The following TFB1M variants were observed in gnomAD, a reference collection of about 807,000 sequenced individuals.
TFB1M encodes dimethyladenosine transferase 1, mitochondrial.
A neutral mutation model predicts 31.1 loss-of-function variants in TFB1M; 27 were observed. The ratio of observed to expected loss-of-function variants is 0.87; its 90% CI spans 0.64 to 1.20. The LOEUF (loss-of-function observed/expected upper bound fraction) is 1.20. TFB1M is among the 50% of genes most tolerant of loss of function. The pLI is 0.00. For synonymous variants in TFB1M, 166 were observed against 151.8 expected (o/e 1.09, Z -0.69); for missense variants, 394 against 418.7 (o/e 0.94, Z 0.51).
Position 155,311,274 on chromosome 6 carries a change from CT to C in TFB1M, c.198del (p.Gly68GlufsTer38). ...TTAAGAATAGATCTTGTGATTCCCC[CT>C]GGCCCAGGGCCCACTTCGTAAACAT... ...NAYVYEVGPGPGGITRSILNA... is the reference protein window; with the variant it reads ...NAYVYEVGPGXGGITRSILNA... On this transcript the variant is annotated frameshift_variant, in exon 2 of 7. Transcript: ENST00000367166. LOFTEE classifies it high-confidence loss of function. The C allele has an allele frequency of 4.3e-6, 7 of 1,614,014 alleles. No individual in the cohort carries two copies. The South Asian group carries it at 5.5e-5, about 13-fold the overall frequency.
chr6:155,281,813 A>G (rs573506749), intron 5 of TFB1M, among the ~76,000 whole-genome samples: 87 of 82,656 alleles, frequency 1.1e-3, no homozygotes, highest in African/African-American at 3.1e-3. Flanking sequence ...GCCTATCACC[A>G]TAATTCATAA....
chr6:155,234,399 G>A, the TFB1M span, among the ~76,000 whole-genome samples: 1 of 152,170 alleles, frequency 6.6e-6, no homozygotes, highest in East Asian at 1.9e-4. Flanking sequence ...ATCGTTAGTG[G>A]CTGGGACCAC....
the TFB1M span, among the ~76,000 whole-genome samples, chr6:155,246,126 A>C: frequency 6.6e-6 from 1 of 151,216 alleles, no homozygotes; most frequent in Non-Finnish European, 1.5e-5. Context: ...ACAGCCTACC[A>C]CGAAACTCAC....
chr6:155,242,412 A>T, the TFB1M span, among the ~76,000 whole-genome samples: 1 of 152,168 alleles, frequency 6.6e-6, no homozygotes, highest in African/African-American at 2.4e-5. Flanking sequence ...GTTCCCTGAG[A>T]TATGATTCAG....
intron 5 of TFB1M, among the ~76,000 whole-genome samples, chr6:155,266,801 C>G (rs1444159769): frequency 1.6e-5 from 2 of 124,348 alleles, no homozygotes; most frequent in South Asian, 2.7e-4. Context: ...GAGCTGAGAT[C>G]GTGCCACTGC....
intron 2 of TFB1M, among the ~76,000 whole-genome samples, chr6:155,309,265 A>G (rs993615773): frequency 2.4e-4 from 37 of 152,344 alleles, no homozygotes; most frequent in Admixed American, 1.3e-3. Context: ...CTCATGTGAG[A>G]CATTTACTGA....
intron 4 of TFB1M, among the ~76,000 whole-genome samples, chr6:155,286,481 GTGTGTGTATATATA>G (rs71023637): frequency 0.66 from 88,957 of 134,180 alleles, 28,726 homozygotes; most frequent in East Asian, 0.97. Flanking sequence ...ATATATATAT[GTGTGTGTATATATA>G]TGTGTGTATA....
chr6:155,276,515 T>TTG, intron 5 of TFB1M: 2 of 736,172 alleles, frequency 2.7e-6, no homozygotes, highest in Non-Finnish European at 2.2e-6. Flanking sequence ...TACAAAGTAG[T>TTG]TTAAAATGCC....
chr6:155,244,583 G>T, the TFB1M span: 58 of 1,503,458 alleles, frequency 3.9e-5, no homozygotes, highest in Non-Finnish European at 5.0e-5. Context: ...TGATTTATTT[G>T]TGGGCCTAAG....
intron 4 of TFB1M, among the ~76,000 whole-genome samples, chr6:155,295,279 T>G (rs1361490632): frequency 6.6e-6 from 1 of 150,946 alleles, no homozygotes; most frequent in African/African-American, 2.4e-5. Flanking sequence ...GGCAGGAGAA[T>G]GGCGTGAACC....
the TFB1M span, among the ~76,000 whole-genome samples, chr6:155,249,172 A>G: frequency 1.3e-5 from 2 of 152,250 alleles, no homozygotes; most frequent in Admixed American, 6.5e-5. Context: ...AAGTATAAAG[A>G]ATACTGAATT....
chr6:155,256,176 C>T lies in TFB1M; in HGVS notation c.*1660G>A, dbSNP rs954970361. The T allele has an allele frequency of 3.8e-6, 2 of 529,490 alleles. No individual in the cohort carries two copies. The highest frequency in any genetic ancestry group is 3.9e-5 in the African/African-American group (2 of 50,780). 32.8% of individuals were successfully genotyped at this position (529,490 alleles called of 1,614,324 possible). A position where few individuals can be genotyped will look rare whatever the true frequency, so the allele number is the denominator to read the frequency against. ...GATTTATTATTACCAATTAACTTTT[C>T]AACTTACTCCTTGGCAAAATAAGAA... is the stretch of plus-strand genomic sequence containing the variant. On this transcript the variant is annotated 3_prime_UTR_variant, in exon 7 of 7. Coordinates refer to ENST00000367166, the MANE Select transcript of TFB1M (RefSeq NM_016020.4).
chr6:155,305,007 C>T (rs371168966), intron 2 of TFB1M, among the ~76,000 whole-genome samples: 25 of 147,838 alleles, frequency 1.7e-4, no homozygotes, highest in African/African-American at 5.7e-4. Context: ...AAAAAAGAAC[C>T]TAAACCTTAC....
chr6:155,273,641 A>T (rs9397798), intron 5 of TFB1M, among the ~76,000 whole-genome samples: 99,978 of 151,922 alleles, frequency 0.66, 33,671 homozygotes, highest in East Asian at 0.98. Flanking sequence ...CTGGTTCCCA[A>T]GGGAAACACA....
intron 3 of TFB1M, 102 bp from the exon 4 acceptor site, chr6:155,297,206 G>T (rs1310687681): frequency 2.4e-6 from 3 of 1,234,474 alleles, no homozygotes; most frequent in African/African-American, 1.5e-5. Context: ...TAGCATCAAA[G>T]AAAAATATAT....
chr6:155,308,065 A>T (rs1331641932), intron 2 of TFB1M, among the ~76,000 whole-genome samples: 2 of 152,220 alleles, frequency 1.3e-5, no homozygotes, highest in African/African-American at 2.4e-5. Flanking sequence ...GTTCAGAAAG[A>T]GGAAAAACCT....
At chr6:155,235,663 C>T in the TFB1M span, among the ~76,000 whole-genome samples, 31,614 of 152,140 alleles carry the variant, frequency 0.21, 3,608 homozygotes, top group African/African-American at 0.28. Context: ...CACCAACTCC[C>T]TTAGACAACA....
the TFB1M span, among the ~76,000 whole-genome samples, chr6:155,235,471 C>T: frequency 2.0e-5 from 3 of 152,188 alleles, no homozygotes; most frequent in Non-Finnish European, 4.4e-5. Flanking sequence ...AATCACTATT[C>T]CTATAAAGTG....
chr6:155,245,037 C>A, the TFB1M span, among the ~76,000 whole-genome samples: 1 of 152,168 alleles, frequency 6.6e-6, no homozygotes, highest in South Asian at 2.1e-4. Context: ...TGACCACGTA[C>A]GTGCTCTTTT....
Sources: allele counts gnomAD v4.1 joint callset (sites outside exome capture counted in the v4.1 genomes callset), GRCh38; gene constraint gnomAD v4.1.1; transcripts MANE v1.5; gene names NCBI Gene and HGNC (gene_info 2026-07-23, HGNC 2026-07-21).